The following ASAP1 variants were observed in gnomAD, a reference collection of about 807,000 sequenced individuals.
The protein encoded by ASAP1 is arf-GAP with SH3 domain, ANK repeat and PH domain-containing protein 1.
In ASAP1, 43 loss-of-function variants were observed where a neutral mutation model predicts 145.2. The ratio of observed to expected loss-of-function variants is 0.30; its 90% CI spans 0.23 to 0.38. ASAP1 has a LOEUF of 0.38. Among genes scored for constraint, ASAP1 ranks in the 10% least tolerant of loss-of-function variants. The pLI is 1.00. For missense variants in ASAP1, 1,018 were observed against 1,355.3 expected (o/e 0.75, Z 3.91); for synonymous variants, 546 against 515.5 (o/e 1.06, Z -0.80).
At chr8:130,118,956 A>T (rs1043130149) in intron 18 of ASAP1, among the ~76,000 whole-genome samples, 2 of 152,238 alleles carry the variant, frequency 1.3e-5, no homozygotes, top group Non-Finnish European at 2.9e-5. Context: ...TGAGAAATCA[A>T]CTATTTATAA....
intron 3 of ASAP1, among the ~76,000 whole-genome samples, chr8:130,305,351 C>T (rs1822927523): frequency 2.0e-5 from 3 of 152,150 alleles, no homozygotes; most frequent in African/African-American, 7.2e-5. Flanking sequence ...ATGAAAGATT[C>T]GTTCACTGTT....
chr8:130,255,973 C>G, intron 3 of ASAP1, among the ~76,000 whole-genome samples: 1 of 152,276 alleles, frequency 6.6e-6, no homozygotes, highest in East Asian at 1.9e-4. Context: ...ACAGCTGGTT[C>G]TTAACATGCA....
At chr8:130,276,497 A>C (rs1820889038) in intron 3 of ASAP1, among the ~76,000 whole-genome samples, 1 of 152,148 alleles carries the variant, frequency 6.6e-6, no homozygotes, top group Non-Finnish European at 1.5e-5. Flanking sequence ...GTGATGGTCT[A>C]TGCTACTGAC....
At chr8:130,274,303 A>G (rs913463734) in intron 3 of ASAP1, among the ~76,000 whole-genome samples, 6 of 152,246 alleles carry the variant, frequency 3.9e-5, no homozygotes, top group Admixed American at 1.3e-4. Flanking sequence ...ATGGAGGTTC[A>G]ACTGGGCCTT....
intron 16 of ASAP1, among the ~76,000 whole-genome samples, chr8:130,127,644 ACT>A (rs778297538): frequency 4.6e-4 from 70 of 152,016 alleles, no homozygotes; most frequent in Non-Finnish European, 7.6e-4. Flanking sequence ...CATGCCCCCT[ACT>A]CTCTCCATAA....
intron 27 of ASAP1, among the ~76,000 whole-genome samples, chr8:130,065,320 G>C (rs961287571): frequency 6.6e-6 from 1 of 152,170 alleles, no homozygotes; most frequent in African/African-American, 2.4e-5. Context: ...GCACGTGAGC[G>C]AGTTCTTCTT....
chr8:130,262,567 A>G (rs1187700690), intron 3 of ASAP1, among the ~76,000 whole-genome samples: 1 of 152,042 alleles, frequency 6.6e-6, no homozygotes, highest in Admixed American at 6.6e-5. Flanking sequence ...TAGCCTTTGA[A>G]TGTTAACTGG....
intron 1 of ASAP1, among the ~76,000 whole-genome samples, chr8:130,422,906 A>G (rs752371795): frequency 6.6e-6 from 1 of 152,212 alleles, no homozygotes; most frequent in Non-Finnish European, 1.5e-5. Context: ...TCCGGAAACA[A>G]CCTCAAATAT....
At chr8:130,092,469 T>C (rs2097507622) in intron 24 of ASAP1, among the ~76,000 whole-genome samples, 2 of 151,948 alleles carry the variant, frequency 1.3e-5, no homozygotes, top group South Asian at 2.1e-4. Context: ...TCTATAAAAA[T>C]TTAAAAAATT....
intron 3 of ASAP1, among the ~76,000 whole-genome samples, chr8:130,296,932 T>C (rs1325482813): frequency 6.6e-6 from 1 of 152,092 alleles, no homozygotes; most frequent in African/African-American, 2.4e-5. Flanking sequence ...AGTTTAACTG[T>C]CTTTTTTGGG....
chr8:130,084,871 C>T (rs1431211574), intron 25 of ASAP1: 1 of 152,098 alleles, frequency 6.6e-6, no homozygotes, highest in Non-Finnish European at 1.5e-5. Context: ...AGCTTTTTTA[C>T]CTGGAAGTCC....
chr8:130,072,824 T>TGTGTGTGTGTGCGCGCGCGCGCGCGC, intron 27 of ASAP1, among the ~76,000 whole-genome samples: 5 of 32,312 alleles, frequency 1.5e-4, no homozygotes, highest in South Asian at 1.7e-3. Context: ...TGTGTGTGTG[T>TGTGTGTGTGTGCGCGCGCGCGCGCGC]GCGCGCGGGG....
intron 14 of ASAP1, 43 bp from the exon 15 acceptor site, chr8:130,134,387 A>G (rs770352449): frequency 1.8e-5 from 24 of 1,354,530 alleles, no homozygotes; most frequent in Non-Finnish European, 2.4e-5. Flanking sequence ...CTTAGAAAGC[A>G]GGGTACTTTC....
intron 3 of ASAP1, among the ~76,000 whole-genome samples, chr8:130,317,896 G>T (rs1823762869): frequency 6.6e-6 from 1 of 152,222 alleles, no homozygotes; most frequent in South Asian, 2.1e-4. Context: ...GGAGGAGGGA[G>T]TGGAGAGGAG....
chr8:130,065,862 G>T (rs1291647321), intron 27 of ASAP1, among the ~76,000 whole-genome samples: 10 of 152,110 alleles, frequency 6.6e-5, no homozygotes, highest in Admixed American at 6.5e-4. Flanking sequence ...TCCTGCCTTG[G>T]TCTACCGCTA....
chr8:130,123,083 A>C (rs941959491), intron 18 of ASAP1, among the ~76,000 whole-genome samples: 1 of 152,134 alleles, frequency 6.6e-6, no homozygotes, highest in African/African-American at 2.4e-5. Context: ...TTCCATCTGC[A>C]TAGTGTTCTG....
chr8:130,109,483 A>C (rs1031218586), intron 24 of ASAP1, among the ~76,000 whole-genome samples: 9 of 152,042 alleles, frequency 5.9e-5, no homozygotes, highest in Non-Finnish European at 1.2e-4. Context: ...TCACTGGAAG[A>C]CTTAATTTAG....
chr8:130,159,227 T>C (rs1001491768), intron 12 of ASAP1, among the ~76,000 whole-genome samples: 1 of 152,114 alleles, frequency 6.6e-6, no homozygotes, highest in African/African-American at 2.4e-5. Context: ...GGAAGAGCTT[T>C]TGCCAGATTG....
chr8:130,143,411 G>GTTTT lies in ASAP1; in HGVS notation c.1081-6377_1081-6374dup, dbSNP rs35855151. Reference sequence around the variant, plus strand: ...ACCAAGATGTGTGTGTGAGATGTCTGTTTTTTTTTTTTTTGACATATGTTG... The same window carrying GTTTT: ...ACCAAGATGTGTGTGTGAGATGTCTGTTTTTTTTTTTTTTTTTTGACATATGTTG... On this transcript the variant is annotated intron_variant, in intron 13 of 29. Coordinates refer to ENST00000518721, the MANE Select transcript of ASAP1 (RefSeq NM_018482.4). Among the ~76,000 whole-genome samples the GTTTT allele has an allele frequency of 1.2e-3, 169 of 142,104 alleles. 2 individuals are homozygous for GTTTT. Among genetic ancestry groups the GTTTT allele is most frequent in the East Asian group, 1.0e-2 (49 of 4,920 alleles). 93.2% of individuals were successfully genotyped at this position (142,104 alleles called of 152,430 possible). A position where few individuals can be genotyped will look rare whatever the true frequency, so the allele number is the denominator to read the frequency against.
Sources: allele counts gnomAD v4.1 joint callset (sites outside exome capture counted in the v4.1 genomes callset), GRCh38; gene constraint gnomAD v4.1.1; transcripts MANE v1.5; gene names NCBI Gene and HGNC (gene_info 2026-07-23, HGNC 2026-07-21).